Variants in VPS54 observed in about 807,000 individuals in gnomAD.
The protein encoded by VPS54 is VPS54 subunit of GARP complex.
In VPS54, 45 loss-of-function variants were observed where a neutral mutation model predicts 121.5. The observed-to-expected ratio is 0.37, with a 90% CI of 0.29 to 0.47. The LOEUF (loss-of-function observed/expected upper bound fraction) is 0.47. VPS54 is among the 20% of genes least tolerant of loss of function. VPS54 has a pLI of 0.99. For missense variants in VPS54, 1,090 were observed against 1,131.4 expected (o/e 0.96, Z 0.52); for synonymous variants, 371 against 385.8 (o/e 0.96, Z 0.45).
In VPS54 at chr2:64,019,401, G is replaced by A. The variant is rs1392717992; in HGVS notation, c.-484C>T. ...TCGGGTGCGGGGAGACAGCGCCGGA[G>A]GCCGCCGCAGCCCCCAGCCCACAAT... is the stretch of plus-strand genomic sequence containing the variant. On this transcript the variant is annotated 5_prime_UTR_variant, in exon 1 of 23. Transcript: ENST00000272322. Among the ~76,000 whole-genome samples the A allele has an allele frequency of 3.3e-5, 5 of 151,230 alleles. No individual in the cohort carries two copies. The highest frequency in any genetic ancestry group is 9.7e-5 in the African/African-American group (4 of 41,430).
At chr2:63,943,943 G>C (rs1208706708) in intron 10 of VPS54, among the ~76,000 whole-genome samples, 1 of 151,020 alleles carries the variant, frequency 6.6e-6, no homozygotes, top group Non-Finnish European at 1.5e-5. Flanking sequence ...TATTGCCCAG[G>C]GTGGTCTCGA....
intron 4 of VPS54, among the ~76,000 whole-genome samples, chr2:63,971,724 T>C (rs954225333): frequency 6.6e-6 from 1 of 152,230 alleles, no homozygotes; most frequent in Admixed American, 6.5e-5. Flanking sequence ...TATTGGTTTC[T>C]TTCTTTAAAC....
rs1158306333 is a variant in VPS54, at chr2:63,914,281, T to A, written c.2235A>T (p.Val745=). The A allele has an allele frequency of 1.2e-6, 2 of 1,605,292 alleles. No individual in the cohort carries two copies. Among genetic ancestry groups the A allele is most frequent in the Non-Finnish European group, 1.7e-6 (2 of 1,176,084 alleles). Reference sequence around the variant, plus strand: ...CAAGGATAATTCTTATTAACAGCAATACGGTTCTACAAGAAAAGAAAAATG... The same window carrying A: ...CAAGGATAATTCTTATTAACAGCAAAACGGTTCTACAAGAAAAGAAAAATG... ...EGQQYAVVGT[V]LLLIRIILEY... Residue 745 remains valine, a synonymous_variant, in exon 17 of 23, where the codon GTA becomes GTT. Transcript: ENST00000272322.
chr2:63,906,605 T>C (rs1672913715), intron 20 of VPS54, among the ~76,000 whole-genome samples: 1 of 152,176 alleles, frequency 6.6e-6, no homozygotes, highest in African/African-American at 2.4e-5. Flanking sequence ...TTTGTTAATT[T>C]CCATGGTGTA....
At chr2:63,948,994 T>C (rs190550331) in intron 8 of VPS54, 43 bp downstream of exon 8, 2 of 1,599,032 alleles carry the variant, frequency 1.3e-6, no homozygotes, top group Non-Finnish European at 1.7e-6. Flanking sequence ...GCCAAGACTG[T>C]TAAGCAATGG....
chr2:63,927,709 T>C (rs1260332838), intron 12 of VPS54, among the ~76,000 whole-genome samples: 1 of 152,154 alleles, frequency 6.6e-6, no homozygotes, highest in East Asian at 1.9e-4. Context: ...AATAACAAAC[T>C]TCTCTGAGCT....
chr2:63,954,376 T>C (rs2104541363), intron 7 of VPS54, among the ~76,000 whole-genome samples: 1 of 152,292 alleles, frequency 6.6e-6, no homozygotes, highest in East Asian at 1.9e-4. Context: ...ATAATATCTT[T>C]AAAAATTCAT....
chr2:63,962,698 T>G (rs1675824358), intron 6 of VPS54, among the ~76,000 whole-genome samples: 1 of 152,074 alleles, frequency 6.6e-6, no homozygotes, highest in African/African-American at 2.4e-5. Context: ...ATTATCACCT[T>G]CCAAACACCA....
rs5831674 is a variant in VPS54 at position 63,915,151 on chromosome 2, CAAAAAAAAAAAAA to C, written c.2229-877_2229-865del. Among the ~76,000 whole-genome samples, 63 of 23,850 alleles carry C rather than the reference CAAAAAAAAAAAAA, an allele frequency of 2.6e-3. No homozygotes were observed. The Admixed American group carries it at 0.028, about 11-fold the overall frequency. 15.6% of individuals were successfully genotyped at this position (23,850 alleles called of 152,430 possible). ...GGGCAACAAGAGCAAAGCTCCGTCT[CAAAAAAAAAAAAA>C]AAAAAAAAAAAAAAGTTTTCCGAAG... is the stretch of plus-strand genomic sequence containing the variant. On this transcript the variant is annotated intron_variant, in intron 16 of 22. Coordinates refer to ENST00000272322, the MANE Select transcript of VPS54 (RefSeq NM_016516.3).
At chr2:63,911,791 A>G (rs1245674662) in intron 20 of VPS54, among the ~76,000 whole-genome samples, 1 of 152,358 alleles carries the variant, frequency 6.6e-6, no homozygotes, top group East Asian at 1.9e-4. Context: ...AAGTTACGAA[A>G]TTTTGGCTTT....
intron 12 of VPS54, among the ~76,000 whole-genome samples, chr2:63,933,461 A>G (rs1349523170): frequency 6.6e-6 from 1 of 152,202 alleles, no homozygotes; most frequent in Non-Finnish European, 1.5e-5. Flanking sequence ...GTTCTTTTGC[A>G]ATCTTAAAAC....
intron 1 of VPS54, among the ~76,000 whole-genome samples, chr2:64,012,038 C>T (rs2104705678): frequency 6.6e-6 from 1 of 152,140 alleles, no homozygotes; most frequent in Admixed American, 6.5e-5. Context: ...ATTACTATAA[C>T]CTCAAACAAA....
chr2:63,988,448 T>A (rs1677156082), intron 1 of VPS54, among the ~76,000 whole-genome samples: 1 of 152,234 alleles, frequency 6.6e-6, no homozygotes, highest in African/African-American at 2.4e-5. Context: ...AGATATGTGT[T>A]GCGGGAAGTC....
intron 12 of VPS54, among the ~76,000 whole-genome samples, chr2:63,929,686 A>G (rs2104474145): frequency 6.6e-6 from 1 of 150,682 alleles, no homozygotes; most frequent in Middle Eastern, 3.4e-3. Flanking sequence ...TGAAGGACAC[A>G]GAGACATAAA....
At chr2:64,009,703 C>T (rs181671412) in intron 1 of VPS54, among the ~76,000 whole-genome samples, 1,883 of 152,166 alleles carry the variant, frequency 0.012, 17 homozygotes, top group Non-Finnish European at 0.015. Context: ...ACTACTTTGG[C>T]GCATCATTTT....
Position 63,942,535 on chromosome 2 carries a change from T to C in VPS54, c.1328A>G (p.Asn443Ser). Residue 443 changes from asparagine to serine, a missense_variant, in exon 11 of 23, where the codon AAT becomes AGT. Asn to Ser is a conservative substitution (Grantham distance 46). This residue lies in a region of VPS54 where 801 missense variants were observed against 757.0 expected (regional missense o/e 1.06). Coordinates refer to ENST00000272322, the MANE Select transcript of VPS54 (RefSeq NM_016516.3). ...VKLADQMRML[N>S]FPQWFDLLKD... ...GAGCAGATCAAACCACTGGGGAAAA[T>C]TCAACATTCTCATCTGATCTGCAAG... is the stretch of plus-strand genomic sequence containing the variant. The C allele has an allele frequency of 1.3e-6, 2 of 1,594,910 alleles. No homozygotes were observed. Among genetic ancestry groups the C allele is most frequent in the Non-Finnish European group, 1.7e-6 (2 of 1,169,230 alleles).
At chr2:63,895,822 C>CT (rs1558973899) in intron 22 of VPS54, among the ~76,000 whole-genome samples, 1 of 152,134 alleles carries the variant, frequency 6.6e-6, no homozygotes. Context: ...TGAGGATTCT[C>CT]TAAGGTCAGA....
At chr2:63,976,825 CTTTTTTT>C (rs1174931536) in intron 3 of VPS54, among the ~76,000 whole-genome samples, 1 of 89,680 alleles carries the variant, frequency 1.1e-5, no homozygotes, top group Non-Finnish European at 2.2e-5. Context: ...TATATCTTCT[CTTTTTTT>C]TTTTTTTTTT....
intron 1 of VPS54, among the ~76,000 whole-genome samples, chr2:64,004,432 T>C (rs1419982125): frequency 3.9e-5 from 6 of 152,230 alleles, no homozygotes; most frequent in Non-Finnish European, 8.8e-5. Context: ...GGAAAATGTA[T>C]CTTTAAAATG....
Sources: gnomAD v4.1 joint callset for allele counts (sites outside exome capture counted in the v4.1 genomes callset) on GRCh38, gnomAD v4.1.1 for gene constraint, gnomAD v4.1.1 regional missense constraint, MANE v1.5 for transcripts, NCBI Gene and HGNC (gene_info 2026-07-23, HGNC 2026-07-21) for gene names.